Variants in PRKCE observed in about 807,000 individuals in gnomAD.
PRKCE encodes the protein protein kinase C epsilon, also known as protein kinase C epsilon type.
Under a neutral mutation model 85.4 loss-of-function variants are expected in PRKCE, and 16 were observed. The observed-to-expected ratio is 0.19, with a 90% CI of 0.13 to 0.28. The LOEUF (loss-of-function observed/expected upper bound fraction) is 0.28. Among genes scored for constraint, PRKCE ranks in the 10% least tolerant of loss-of-function variants. The pLI, the probability that PRKCE is intolerant of heterozygous loss-of-function variation, is 1.00. For synonymous variants in PRKCE, 388 were observed against 371.5 expected, an observed-to-expected ratio of 1.04 and a Z score of -0.51; for missense variants, 573 against 975.2, an observed-to-expected ratio of 0.59 and a Z score of 5.49.
At chr2:45,858,843 C>A (rs180686539) in intron 2 of PRKCE, among the ~76,000 whole-genome samples, 48 of 152,026 alleles carry the variant, frequency 3.2e-4, no homozygotes, top group Admixed American at 7.9e-4. Context: ...GAGTTTGAGA[C>A]CAGCCTGGCC....
chr2:46,013,666 C>T lies in PRKCE; in HGVS notation c.1437+3149C>T, dbSNP rs150178009. ...TACAACATTCAGGAACACAAAGACCCGATTGCAATCCTATTAAGATTTCTT... is the reference window on the plus strand; with the variant it reads ...TACAACATTCAGGAACACAAAGACCTGATTGCAATCCTATTAAGATTTCTT... On this transcript the variant is annotated intron_variant, in intron 10 of 14. Transcript: ENST00000306156. Among the ~76,000 whole-genome samples the T allele has an allele frequency of 2.4e-3, 358 of 152,222 alleles. 4 individuals carry two copies. The highest frequency in any genetic ancestry group is 8.1e-3 in the African/African-American group (338 of 41,522).
At chr2:45,877,089 A>ATTTG (rs1418105568) in intron 2 of PRKCE, among the ~76,000 whole-genome samples, 1 of 101,686 alleles carries the variant, frequency 9.8e-6, no homozygotes, top group Non-Finnish European at 2.4e-5. Flanking sequence ...GCATGGTTTT[A>ATTTG]TTTGTTTGTT....
chr2:45,938,430 C>T (rs1022901182), intron 2 of PRKCE, among the ~76,000 whole-genome samples: 1 of 152,154 alleles, frequency 6.6e-6, no homozygotes, highest in Admixed American at 6.5e-5. Context: ...TAGGACTATC[C>T]TTAGTGACTT....
chr2:45,913,488 A>G (rs1479381729), intron 2 of PRKCE, among the ~76,000 whole-genome samples: 1 of 152,180 alleles, frequency 6.6e-6, no homozygotes, highest in Non-Finnish European at 1.5e-5. Context: ...CTCCCTGCTC[A>G]GTGGAGCTCT....
At chr2:45,898,863 C>T (rs920633850) in intron 2 of PRKCE, among the ~76,000 whole-genome samples, 1 of 152,220 alleles carries the variant, frequency 6.6e-6, no homozygotes, top group African/African-American at 2.4e-5. Context: ...CTGTGAAGGA[C>T]CCCTGTCTTG....
At chr2:45,665,983 C>G (rs1204194963) in intron 1 of PRKCE, among the ~76,000 whole-genome samples, 1 of 152,062 alleles carries the variant, frequency 6.6e-6, no homozygotes, top group Admixed American at 6.6e-5. Flanking sequence ...TGAGGGACCC[C>G]TTTCTAGGGC....
At chr2:45,978,678 G>T in intron 3 of PRKCE, 2 of 326,950 alleles carry the variant, frequency 6.1e-6, no homozygotes, top group Non-Finnish European at 1.1e-5. Context: ...GGAGCAAGCA[G>T]GGTCGTTTGT....
intron 14 of PRKCE, among the ~76,000 whole-genome samples, chr2:46,179,971 T>G (rs1009215462): frequency 1.3e-5 from 2 of 152,214 alleles, no homozygotes; most frequent in African/African-American, 4.8e-5. Flanking sequence ...CATTTATTAA[T>G]TTTTTCTAGC....
At chr2:45,763,001 G>C (rs936469591) in intron 1 of PRKCE, among the ~76,000 whole-genome samples, 7 of 151,106 alleles carry the variant, frequency 4.6e-5, no homozygotes, top group Non-Finnish European at 7.4e-5. Flanking sequence ...ACCCAGGCTG[G>C]AGTGCAGTGG....
intron 1 of PRKCE, among the ~76,000 whole-genome samples, chr2:45,781,342 CA>C (rs932891839): frequency 4.6e-5 from 7 of 152,184 alleles, no homozygotes; most frequent in African/African-American, 1.7e-4. Context: ...GTCTCAAAAC[CA>C]AAAAGAAATC....
rs1050344568 is a variant in PRKCE, at chr2:45,856,590, A to G, written c.412+13527A>G. On this transcript the variant is annotated intron_variant, in intron 2 of 14. Transcript: ENST00000306156. ...TTCTCTCTTCTAGCTCTCTTGATAT[A>G]TACGACACATTGTTATTTGCTGTAG... 2.0e-5 allele frequency among the ~76,000 whole-genome samples: 3 copies of G among 152,226 alleles called. No homozygotes were observed. In the East Asian group the frequency reaches 5.8e-4, roughly 29 times the overall value.
At chr2:45,679,147 G>A (rs771305890) in intron 1 of PRKCE, among the ~76,000 whole-genome samples, 2 of 152,120 alleles carry the variant, frequency 1.3e-5, no homozygotes, top group Non-Finnish European at 2.9e-5. Flanking sequence ...CATCCTGAAA[G>A]GATAATTTTT....
intron 11 of PRKCE, among the ~76,000 whole-genome samples, chr2:46,095,350 T>C (rs983956653): frequency 6.6e-6 from 1 of 152,214 alleles, no homozygotes; most frequent in African/African-American, 2.4e-5. Context: ...ATACACATGT[T>C]TATTTAATTC....
At chr2:45,655,345 T>G (rs979381196) in intron 1 of PRKCE, among the ~76,000 whole-genome samples, 3 of 140,722 alleles carry the variant, frequency 2.1e-5, no homozygotes, top group African/African-American at 7.8e-5. Flanking sequence ...CGTTATAAGT[T>G]TTTTTGCATT....
In PRKCE at chr2:45,888,465, CTTTTTTTTTT is replaced by C. The variant is rs34871432; in HGVS notation, c.412+45417_412+45426del. Among the ~76,000 whole-genome samples, 7 of 74,764 alleles carry C rather than the reference CTTTTTTTTTT, an allele frequency of 9.4e-5. No homozygotes were observed. In the Middle Eastern group the frequency reaches 0.05, roughly 534 times the overall value. The allele number at this position is 74,764 out of a possible 152,430, so 49.0% of individuals were successfully genotyped here. Reference sequence around the variant, plus strand: ...TGCAGAAGTAGTATTTCCCAACAGTCTTTTTTTTTTTTTTTTTTTTTTTTGAGCTGGAGTT... The same window carrying C: ...TGCAGAAGTAGTATTTCCCAACAGTCTTTTTTTTTTTTTTGAGCTGGAGTT... On this transcript the variant is annotated intron_variant, in intron 2 of 14. Coordinates refer to ENST00000306156, the MANE Select transcript of PRKCE (RefSeq NM_005400.3).
chr2:45,798,136 AGTCGTTT>A (rs1031010833), intron 1 of PRKCE, among the ~76,000 whole-genome samples: 6 of 152,200 alleles, frequency 3.9e-5, no homozygotes, highest in African/African-American at 1.4e-4. Context: ...AGCTCAGCAA[AGTCGTTT>A]GTGCAAATAA....
intron 1 of PRKCE, among the ~76,000 whole-genome samples, chr2:45,720,728 G>A (rs1487144025): frequency 6.6e-6 from 1 of 152,196 alleles, no homozygotes; most frequent in East Asian, 1.9e-4. Flanking sequence ...TGTCATGGCT[G>A]TGAATTTGGA....
At chr2:45,949,208 C>T (rs139533150) in intron 2 of PRKCE, among the ~76,000 whole-genome samples, 17 of 152,296 alleles carry the variant, frequency 1.1e-4, no homozygotes, top group African/African-American at 3.4e-4. Context: ...AACATGGTTA[C>T]ATTAGCTCAC....
chr2:45,807,396 T>C (rs1688326171), intron 1 of PRKCE, among the ~76,000 whole-genome samples: 1 of 152,250 alleles, frequency 6.6e-6, no homozygotes, highest in African/African-American at 2.4e-5. Context: ...TGGCTGCTAA[T>C]TTCTCTCAAA....
Sources: gnomAD v4.1 joint callset for allele counts (sites outside exome capture counted in the v4.1 genomes callset) on GRCh38, gnomAD v4.1.1 for gene constraint, MANE v1.5 for transcripts, NCBI Gene and HGNC (gene_info 2026-07-23, HGNC 2026-07-21) for gene names.